The following ADA variants were observed in gnomAD, a reference collection of about 807,000 sequenced individuals.
ADA encodes the protein adenosine aminohydrolase.
A neutral mutation model predicts 49.0 loss-of-function variants in ADA; 45 were observed. The observed-to-expected ratio is 0.92, with a 90% CI of 0.72 to 1.18. The LOEUF is 1.18. Ranked by LOEUF, ADA falls within the 50% of genes most tolerant of loss-of-function variation. The probability of loss-of-function intolerance (pLI) is 0.00; values close to 1 mark genes in which losing one functional copy is unlikely to be tolerated. For synonymous variants in ADA, 173 were observed against 184.2 expected, an observed-to-expected ratio of 0.94 and a Z score of 0.49; for missense variants, 445 against 472.5, an observed-to-expected ratio of 0.94 and a Z score of 0.54.
chr20:44,632,406 T>G (rs1369667520), intron 2 of ADA, among the ~76,000 whole-genome samples: 1 of 152,050 alleles, frequency 6.6e-6, no homozygotes, highest in East Asian at 1.9e-4. Context: ...TAATTTACCT[T>G]TTTGAAAGCT....
chr20:44,621,340 A>G (rs1015907102), intron 9 of ADA, among the ~76,000 whole-genome samples, 193 bp from the exon 10 acceptor site: 1 of 152,236 alleles, frequency 6.6e-6, no homozygotes, highest in Non-Finnish European at 1.5e-5. Flanking sequence ...CAGAAAGTCC[A>G]GAATCCAGCC....
At chr20:44,622,144 GC>G (rs2065337945) in intron 9 of ADA, among the ~76,000 whole-genome samples, 1 of 152,248 alleles carries the variant, frequency 6.6e-6, no homozygotes, top group Non-Finnish European at 1.5e-5. Context: ...TGGGAGCCAG[GC>G]AGGGTGGAAC....
chr20:44,633,447 G>A (rs2065451627), intron 2 of ADA, among the ~76,000 whole-genome samples: 1 of 152,214 alleles, frequency 6.6e-6, no homozygotes, highest in African/African-American at 2.4e-5. Flanking sequence ...GCCTTAGAGA[G>A]GTCAGAGAGG....
intron 5 of ADA, among the ~76,000 whole-genome samples, chr20:44,624,763 G>C (rs1304626316): frequency 6.6e-6 from 1 of 152,218 alleles, no homozygotes; most frequent in Non-Finnish European, 1.5e-5. Context: ...GAAGTATCTC[G>C]CTAATGTATT....
intron 11 of ADA, 152 bp from the exon 12 acceptor site, chr20:44,619,999 A>T: frequency 8.9e-7 from 1 of 1,120,852 alleles, no homozygotes; most frequent in Non-Finnish European, 1.3e-6. Flanking sequence ...AAGGAGCAGA[A>T]CAGGCCTGGG....
At chr20:44,633,971 C>T (rs1355408504) in intron 2 of ADA, among the ~76,000 whole-genome samples, 1 of 152,240 alleles carries the variant, frequency 6.6e-6, no homozygotes, top group African/African-American at 2.4e-5. Context: ...GTGTGACAAA[C>T]TCCCCAGTCC....
chr20:44,627,788 G>C (rs1375613913), intron 3 of ADA, among the ~76,000 whole-genome samples: 2 of 152,198 alleles, frequency 1.3e-5, no homozygotes, highest in Admixed American at 1.3e-4. Context: ...CCTGGATGTG[G>C]GAGACACGTG....
intron 1 of ADA, among the ~76,000 whole-genome samples, chr20:44,639,538 G>A (rs552268325): frequency 2.6e-5 from 4 of 152,070 alleles, no homozygotes; most frequent in East Asian, 3.9e-4. Flanking sequence ...TCAGCCTCCC[G>A]AGTAGTTGGG....
At chr20:44,639,827 G>A (rs545065427) in intron 1 of ADA, among the ~76,000 whole-genome samples, 1 of 152,256 alleles carries the variant, frequency 6.6e-6, no homozygotes, top group East Asian at 1.9e-4. Flanking sequence ...GTGTGGGTAA[G>A]CACAGAAGCT....
intron 1 of ADA, among the ~76,000 whole-genome samples, chr20:44,638,161 G>A (rs566831496): frequency 2.0e-4 from 31 of 152,258 alleles, no homozygotes; most frequent in East Asian, 3.9e-4. Context: ...CCTGTGCCTC[G>A]GCATCCTCAT....
intron 11 of ADA, 85 bp downstream of exon 11, chr20:44,620,214 G>T: frequency 2.5e-6 from 3 of 1,196,446 alleles, no homozygotes; most frequent in Non-Finnish European, 2.5e-6. Flanking sequence ...CCCAAGAATG[G>T]AAGGGCATCT....
chr20:44,627,525 C>T (rs909906799), intron 3 of ADA, among the ~76,000 whole-genome samples: 1 of 152,146 alleles, frequency 6.6e-6, no homozygotes, highest in Non-Finnish European at 1.5e-5. Flanking sequence ...TTCTCCTGGG[C>T]TTTCTTTTTC....
chr20:44,629,294 T>A, intron 2 of ADA, 125 bp from the exon 3 acceptor site: 2 of 1,407,464 alleles, frequency 1.4e-6, no homozygotes, highest in Non-Finnish European at 1.9e-6. Context: ...GACATGGGCG[T>A]CTCTCAGTCC....
At chr20:44,642,135 T>C (rs1438325903) in intron 1 of ADA, among the ~76,000 whole-genome samples, 1 of 152,164 alleles carries the variant, frequency 6.6e-6, no homozygotes, top group African/African-American at 2.4e-5. Flanking sequence ...GGCACAACAA[T>C]TGGCAATGTT....
At chr20:44,627,348 AT>A (rs1295930112) in intron 3 of ADA, among the ~76,000 whole-genome samples, 1 of 151,924 alleles carries the variant, frequency 6.6e-6, no homozygotes, top group Admixed American at 6.6e-5. Flanking sequence ...CGCCCGGCTA[AT>A]TTTTTGTATT....
Position 44,624,330 on chromosome 20 carries a change from CTG to C in ADA, c.479-3_479-2del, listed in dbSNP as rs1555844457. The C allele has an allele frequency of 6.2e-7, 1 of 1,613,332 alleles. No individual in the cohort carries two copies. Among genetic ancestry groups the C allele is most frequent in the Non-Finnish European group, 8.5e-7 (1 of 1,179,848 alleles). Reference sequence around the variant, plus strand: ...AGCTCCACCACCTTGGGGGACCAGTCTGTGGGCGAGATGCCCACCCAGGCTCT... The same window carrying C: ...AGCTCCACCACCTTGGGGGACCAGTCTGGGCGAGATGCCCACCCAGGCTCT... On this transcript the variant is annotated splice_acceptor_variant and splice_polypyrimidine_tract_variant and intron_variant, in intron 5 of 11. Transcript: ENST00000372874. LOFTEE classifies it high-confidence loss of function.
At chr20:44,635,750 T>C (rs1326622960) in intron 2 of ADA, among the ~76,000 whole-genome samples, 1 of 152,006 alleles carries the variant, frequency 6.6e-6, no homozygotes, top group Non-Finnish European at 1.5e-5. Flanking sequence ...ATACAAAAAT[T>C]AGCTGGATGT....
At position 44,641,536 on chromosome 20, in the gene ADA, C is replaced by A. The variant is rs1027496235; in HGVS notation, c.34-5248G>T. Reference sequence around the variant, plus strand: ...GCATGTCTTGGGCAAGTTTAAACACCCATGGGGATGATTGAGGCTGAGTGA... The same window carrying A: ...GCATGTCTTGGGCAAGTTTAAACACACATGGGGATGATTGAGGCTGAGTGA... On this transcript the variant is annotated intron_variant, in intron 1 of 11. Coordinates refer to ENST00000372874, the MANE Select transcript of ADA (RefSeq NM_000022.4). 1.1e-4 allele frequency among the ~76,000 whole-genome samples: 16 copies of A among 152,020 alleles called. 1 individual carries two copies. The highest frequency in any genetic ancestry group is 1.8e-4 in the Non-Finnish European group (12 of 68,024).
At position 44,628,736 on chromosome 20, in the gene ADA, C is replaced by T. The variant is rs1344497073; in HGVS notation, c.218+311G>A. 2.6e-5 allele frequency among the ~76,000 whole-genome samples: 4 copies of T among 151,686 alleles called. 1 individual carries two copies. The highest frequency in any genetic ancestry group is 7.3e-5 in the African/African-American group (3 of 41,340). ...TCAGGCCTCTCCTCCCCTCACAACA[C>T]GAAGCCCTGAACTAGGAGATAGATG... On this transcript the variant is annotated intron_variant, in intron 3 of 11. Coordinates refer to ENST00000372874, the MANE Select transcript of ADA (RefSeq NM_000022.4).
Sources: gnomAD v4.1 joint callset for allele counts (sites outside exome capture counted in the v4.1 genomes callset) on GRCh38, gnomAD v4.1.1 for gene constraint, MANE v1.5 for transcripts, NCBI Gene and HGNC (gene_info 2026-07-23, HGNC 2026-07-21) for gene names.